WDR72: variants seen among roughly 807,000 people sequenced by gnomAD.
WDR72 encodes WD repeat-containing protein 72.
A neutral mutation model predicts 124.2 loss-of-function variants in WDR72; 120 were observed. The ratio of observed to expected loss-of-function variants is 0.97; its 90% CI spans 0.83 to 1.12. WDR72 has a LOEUF of 1.12. WDR72 is among the 50% of genes most tolerant of loss of function. The pLI is 0.00. For synonymous variants in WDR72, 452 were observed against 441.7 expected (o/e 1.02, Z -0.29); for missense variants, 1,387 against 1,278.8 (o/e 1.08, Z -1.29).
intron 13 of WDR72, 65 bp downstream of exon 13, chr15:53,699,685 C>T: frequency 1.3e-6 from 2 of 1,562,648 alleles, no homozygotes; most frequent in Non-Finnish European, 1.8e-6. Context: ...TGAAACTTTC[C>T]ATCTGGTCAA....
intron 14 of WDR72, among the ~76,000 whole-genome samples, chr15:53,634,979 G>C (rs1263039827): frequency 6.6e-6 from 1 of 152,226 alleles, no homozygotes; most frequent in East Asian, 1.9e-4. Flanking sequence ...GCAGCAATGA[G>C]CCAGAGCAAG....
chr15:53,676,885 T>C (rs1468268087), intron 13 of WDR72, among the ~76,000 whole-genome samples: 1 of 152,104 alleles, frequency 6.6e-6, no homozygotes, highest in African/African-American at 2.4e-5. Context: ...ATTTCAAATA[T>C]TTTAGTCATT....
intron 1 of WDR72, among the ~76,000 whole-genome samples, chr15:53,736,326 G>T (rs28642291): frequency 0.014 from 2,182 of 152,186 alleles, 44 homozygotes; most frequent in African/African-American, 0.05. Context: ...TGAGTGAGGT[G>T]TCCAAATGTG....
intron 14 of WDR72, among the ~76,000 whole-genome samples, chr15:53,617,441 T>C (rs2013813235): frequency 6.6e-6 from 1 of 151,636 alleles, no homozygotes; most frequent in African/African-American, 2.4e-5. Context: ...GAAATTTTTT[T>C]ACAGTGATGA....
intron 12 of WDR72, among the ~76,000 whole-genome samples, chr15:53,700,241 A>C (rs1443757013): frequency 2.6e-5 from 4 of 152,230 alleles, no homozygotes; most frequent in Non-Finnish European, 5.9e-5. Context: ...GCAGCGAGGC[A>C]GACATCGGAA....
At chr15:53,759,354 G>C (rs1352387320) in intron 1 of WDR72, 1 of 152,246 alleles carries the variant, frequency 6.6e-6, no homozygotes, top group South Asian at 2.1e-4. Flanking sequence ...TGCGAGATGA[G>C]CGGCTTTGTT....
At chr15:53,682,674 C>T (rs1017560893) in intron 13 of WDR72, among the ~76,000 whole-genome samples, 5 of 152,130 alleles carry the variant, frequency 3.3e-5, no homozygotes, top group South Asian at 2.1e-4. Flanking sequence ...GGGCAAAATA[C>T]GGCCAGACTC....
intron 2 of WDR72, among the ~76,000 whole-genome samples, chr15:53,724,485 C>A (rs1027259027): frequency 5.3e-5 from 8 of 152,164 alleles, no homozygotes; most frequent in Non-Finnish European, 1.2e-4. Flanking sequence ...CCTCGGGAAA[C>A]TTACAATCAT....
intron 4 of WDR72, among the ~76,000 whole-genome samples, chr15:53,715,786 A>T (rs1272873367): frequency 6.6e-6 from 1 of 152,200 alleles, no homozygotes; most frequent in Non-Finnish European, 1.5e-5. Flanking sequence ...ACTGTACTTC[A>T]GCCTGGGTGA....
rs998694477 is a variant in WDR72 at position 53,662,659 on chromosome 15, C to T, written c.1962+2913G>A. 4.6e-5 allele frequency among the ~76,000 whole-genome samples: 7 copies of T among 152,144 alleles called. No individual in the cohort carries two copies. In the East Asian group the frequency reaches 1.4e-3, roughly 30 times the overall value. The stretch of plus-strand genomic sequence containing the variant: ...TTGGTTTCTTAAAATTAATTTTTTT[C>T]TTAAGAAAACTCATGAAGCATTTTA... On this transcript the variant is annotated intron_variant, in intron 14 of 19. Coordinates refer to ENST00000360509, the MANE Select transcript of WDR72 (RefSeq NM_182758.4).
chr15:53,670,120 T>C (rs979981374), intron 13 of WDR72, among the ~76,000 whole-genome samples: 4 of 152,158 alleles, frequency 2.6e-5, no homozygotes, highest in Non-Finnish European at 4.4e-5. Context: ...AGTAAAATCT[T>C]TATTGTATAA....
At chr15:53,716,919 C>A (rs535483818) in intron 3 of WDR72, among the ~76,000 whole-genome samples, 1 of 152,278 alleles carries the variant, frequency 6.6e-6, no homozygotes, top group Non-Finnish European at 1.5e-5. Context: ...TAGAGACAAC[C>A]TGGCCTACAA....
intron 18 of WDR72, among the ~76,000 whole-genome samples, chr15:53,542,931 CAAG>C: frequency 6.6e-6 from 1 of 151,278 alleles, no homozygotes; most frequent in East Asian, 2.0e-4. Flanking sequence ...ATCAATTCAA[CAAG>C]AAGAGCTAAC....
At chr15:53,682,479 G>A (rs1196616998) in intron 13 of WDR72, among the ~76,000 whole-genome samples, 1 of 152,096 alleles carries the variant, frequency 6.6e-6, no homozygotes, top group African/African-American at 2.4e-5. Context: ...TCAAAGTAAG[G>A]TCAAACTCTT....
chr15:53,703,560 T>C, intron 11 of WDR72, among the ~76,000 whole-genome samples: 1 of 151,920 alleles, frequency 6.6e-6, no homozygotes, highest in Non-Finnish European at 1.5e-5. Context: ...AAGACTGTTG[T>C]GTGGAATAAA....
intron 1 of WDR72, among the ~76,000 whole-genome samples, chr15:53,739,595 C>A (rs2018452114): frequency 6.6e-6 from 1 of 152,018 alleles, no homozygotes; most frequent in South Asian, 2.1e-4. Flanking sequence ...AAATTGGATA[C>A]AAGTGAAGAC....
chr15:53,649,791 A>G (rs1346994113), intron 14 of WDR72, among the ~76,000 whole-genome samples: 1 of 152,170 alleles, frequency 6.6e-6, no homozygotes, highest in Non-Finnish European at 1.5e-5. Flanking sequence ...AAAACAAACA[A>G]AAGTCAGGTG....
intron 18 of WDR72, among the ~76,000 whole-genome samples, chr15:53,545,458 A>T (rs1269469428): frequency 6.6e-6 from 1 of 150,770 alleles, no homozygotes; most frequent in Non-Finnish European, 1.5e-5. Context: ...CTGGCTAGCC[A>T]TATGTAGAAA....
chr15:53,567,191 T>C (rs1421872016), intron 18 of WDR72, among the ~76,000 whole-genome samples: 2 of 152,004 alleles, frequency 1.3e-5, no homozygotes, highest in Non-Finnish European at 2.9e-5. Flanking sequence ...TGTTGGGAAA[T>C]CAGTCTTGTT....
Sources: allele counts gnomAD v4.1 joint callset (sites outside exome capture counted in the v4.1 genomes callset), GRCh38; gene constraint gnomAD v4.1.1; transcripts MANE v1.5; gene names NCBI Gene and HGNC (gene_info 2026-07-23, HGNC 2026-07-21).